The following INPP4B variants were observed in gnomAD, a reference collection of about 807,000 sequenced individuals.
INPP4B encodes the protein inositol polyphosphate-4-phosphatase type II B.
In INPP4B, 55 loss-of-function variants were observed where a neutral mutation model predicts 122.5. That is an observed-to-expected ratio of 0.45 (90% CI 0.36 to 0.56). The LOEUF (loss-of-function observed/expected upper bound fraction) is 0.56, where lower values mean the gene tolerates loss of function less well. Among genes scored for constraint, INPP4B ranks in the 20% least tolerant of loss-of-function variants. The pLI, the probability that INPP4B is intolerant of heterozygous loss-of-function variation, is 0.00. For synonymous variants in INPP4B, 403 were observed against 388.7 expected, an observed-to-expected ratio of 1.04 and a Z score of -0.43; for missense variants, 1,000 against 1,097.7, an observed-to-expected ratio of 0.91 and a Z score of 1.26.
In INPP4B at chr4:142,562,393, C is replaced by A. The variant is rs577198975; in HGVS notation, c.-190-99667G>T. On this transcript the variant is annotated intron_variant, in intron 2 of 25. Coordinates refer to ENST00000262992, the MANE Select transcript of INPP4B (RefSeq NM_001101669.3). ...TTACGAGAAGCTAAATCCCATCTCT[C>A]CATGAGCCAGACTGTATCAAAAGTA... 6.6e-5 allele frequency among the ~76,000 whole-genome samples: 10 copies of A among 152,274 alleles called. No homozygotes were observed. The East Asian group carries it at 1.9e-3, about 29-fold the overall frequency.
chr4:142,457,247 A>T (rs1344839754), intron 3 of INPP4B, among the ~76,000 whole-genome samples: 1 of 152,076 alleles, frequency 6.6e-6, no homozygotes, highest in Non-Finnish European at 1.5e-5. Context: ...GACACAAAAC[A>T]TAGTACAGTC....
intron 1 of INPP4B, among the ~76,000 whole-genome samples, chr4:142,741,858 T>C (rs1453820117): frequency 6.6e-6 from 1 of 151,878 alleles, no homozygotes; most frequent in East Asian, 1.9e-4. Flanking sequence ...GCCTAGGTCA[T>C]GGCAAGGGAA....
intron 2 of INPP4B, among the ~76,000 whole-genome samples, chr4:142,694,947 A>G (rs931132097): frequency 6.6e-6 from 1 of 152,024 alleles, no homozygotes; most frequent in African/African-American, 2.4e-5. Context: ...TAAAAACCCT[A>G]CCTGTCACTA....
chr4:142,030,110 A>G (rs750296278), intron 25 of INPP4B: 11 of 1,495,030 alleles, frequency 7.4e-6, no homozygotes, highest in Middle Eastern at 1.7e-4. Context: ...GAAAAGAAAA[A>G]GGAATACAAC....
intron 14 of INPP4B, among the ~76,000 whole-genome samples, chr4:142,199,760 T>C (rs1339389970): frequency 2.6e-5 from 4 of 151,978 alleles, no homozygotes; most frequent in East Asian, 3.9e-4. Context: ...TAGACTTAGG[T>C]TGTGCAATAT....
At chr4:142,432,984 G>A (rs1439620707) in intron 3 of INPP4B, among the ~76,000 whole-genome samples, 1 of 152,166 alleles carries the variant, frequency 6.6e-6, no homozygotes, top group Non-Finnish European at 1.5e-5. Context: ...TCTCATTAAT[G>A]TGGTCCCATT....
At chr4:142,411,922 G>A (rs1333530007) in intron 5 of INPP4B, among the ~76,000 whole-genome samples, 1 of 151,996 alleles carries the variant, frequency 6.6e-6, no homozygotes. Flanking sequence ...CAGAGCTTTA[G>A]GGAAATACCA....
At chr4:142,712,069 A>G (rs1321168169) in intron 2 of INPP4B, among the ~76,000 whole-genome samples, 1 of 152,134 alleles carries the variant, frequency 6.6e-6, no homozygotes, top group Non-Finnish European at 1.5e-5. Flanking sequence ...CAATAAATAA[A>G]TAAAAGAGAT....
At chr4:142,221,031 G>C (rs1849121629) in intron 12 of INPP4B, among the ~76,000 whole-genome samples, 1 of 152,050 alleles carries the variant, frequency 6.6e-6, no homozygotes, top group Admixed American at 6.6e-5. Context: ...AATTTGGCAG[G>C]GGCAAGGCAC....
rs1261629497 is a variant in INPP4B, at chr4:142,124,533, T to C, written c.1893+55A>G. The stretch of plus-strand genomic sequence containing the variant: ...TAAGAATTCTATTCATCATCAAGGA[T>C]AGGATGTTAACAATCCGGCATTGTT... On this transcript the variant is annotated intron_variant, in intron 19 of 25. Transcript: ENST00000262992. 3.4e-6 allele frequency: 5 copies of C among 1,455,368 alleles called. No individual in the cohort carries two copies. The Admixed American group carries it at 6.9e-5, about 20-fold the overall frequency. 90.2% of individuals were successfully genotyped at this position (1,455,368 alleles called of 1,614,324 possible).
intron 10 of INPP4B, among the ~76,000 whole-genome samples, chr4:142,269,674 C>G (rs1030273172): frequency 4.6e-5 from 7 of 152,048 alleles, no homozygotes; most frequent in Non-Finnish European, 1.0e-4. Flanking sequence ...TATAATAGTC[C>G]ATTGTAGATT....
intron 2 of INPP4B, among the ~76,000 whole-genome samples, chr4:142,551,048 G>A (rs1426641879): frequency 6.6e-6 from 1 of 152,152 alleles, no homozygotes; most frequent in Non-Finnish European, 1.5e-5. Flanking sequence ...CCAAGGAATC[G>A]TAAAGAGTCA....
intron 25 of INPP4B, among the ~76,000 whole-genome samples, chr4:142,071,156 A>C (rs151119040): frequency 0.013 from 1,958 of 152,130 alleles, 39 homozygotes; most frequent in African/African-American, 0.045. Flanking sequence ...CAATGGAACA[A>C]AACAGAGTCC....
chr4:142,376,593 C>T (rs944260190), intron 7 of INPP4B, among the ~76,000 whole-genome samples: 13 of 152,118 alleles, frequency 8.5e-5, no homozygotes, highest in African/African-American at 2.9e-4. Flanking sequence ...AGTCCCTTTC[C>T]CTCCTTAAGA....
chr4:142,549,447 C>G (rs1027821287), intron 2 of INPP4B, among the ~76,000 whole-genome samples: 1 of 152,060 alleles, frequency 6.6e-6, no homozygotes, highest in Admixed American at 6.6e-5. Flanking sequence ...GGAGTCTAAC[C>G]AAATGCTGGA....
intron 25 of INPP4B, among the ~76,000 whole-genome samples, chr4:142,033,409 T>C (rs1741665934): frequency 1.3e-5 from 2 of 152,212 alleles, no homozygotes; most frequent in African/African-American, 4.8e-5. Context: ...GGAGTTGCTG[T>C]AGTGAGTGTT....
chr4:142,503,652 T>C (rs1313587562), intron 2 of INPP4B, among the ~76,000 whole-genome samples: 2 of 152,052 alleles, frequency 1.3e-5, no homozygotes, highest in Non-Finnish European at 2.9e-5. Context: ...ATTGGAATAA[T>C]ATAATCTGGG....
intron 2 of INPP4B, among the ~76,000 whole-genome samples, chr4:142,663,643 C>T (rs889717845): frequency 6.6e-6 from 1 of 151,866 alleles, no homozygotes; most frequent in African/African-American, 2.4e-5. Flanking sequence ...TATATCCAAG[C>T]TGCTAAGTAA....
intron 2 of INPP4B, among the ~76,000 whole-genome samples, chr4:142,711,379 G>C (rs954994071): frequency 6.6e-6 from 1 of 151,958 alleles, no homozygotes; most frequent in Non-Finnish European, 1.5e-5. Context: ...TTCTTTAACT[G>C]GATCATAAGA....
Sources: gnomAD v4.1 joint callset for allele counts (sites outside exome capture counted in the v4.1 genomes callset) on GRCh38, gnomAD v4.1.1 for gene constraint, MANE v1.5 for transcripts, NCBI Gene and HGNC (gene_info 2026-07-23, HGNC 2026-07-21) for gene names.